RIPOR3: variants seen among roughly 807,000 people sequenced by gnomAD.
RIPOR3 encodes the protein RIPOR family member 3.
A neutral mutation model predicts 114.3 loss-of-function variants in RIPOR3; 95 were observed. That is an observed-to-expected ratio of 0.83 (90% CI 0.70 to 0.99). The LOEUF is 0.99. Among genes scored for constraint, RIPOR3 ranks in the 50% least tolerant of loss-of-function variants. The pLI is 0.00. For missense variants in RIPOR3, 1,252 were observed against 1,266.9 expected (o/e 0.99, Z 0.18); for synonymous variants, 575 against 543.8 (o/e 1.06, Z -0.80).
At position 50,680,861 on chromosome 20, in the gene RIPOR3, G is replaced by A. The variant is rs528556097; in HGVS notation, c.3+10265C>T. 2.0e-5 allele frequency among the ~76,000 whole-genome samples: 3 copies of A among 152,336 alleles called. No individual in the cohort carries two copies. In the South Asian group the frequency reaches 6.2e-4, roughly 32 times the overall value. On this transcript the variant is annotated intron_variant, in intron 1 of 21. Transcript: ENST00000327979. The stretch of plus-strand genomic sequence containing the variant: ...TGGCATTGATACCCCCTCAACTCCA[G>A]AGATGAGCTCTGACAGGCGTAAGCC...
At chr20:50,658,491 C>G (rs1210102242) in intron 1 of RIPOR3, among the ~76,000 whole-genome samples, 2 of 151,982 alleles carry the variant, frequency 1.3e-5, no homozygotes, top group African/African-American at 4.8e-5. Flanking sequence ...GAGGATCGCT[C>G]GAGCCCAGGA....
chr20:50,648,429 C>T (rs777762898), intron 1 of RIPOR3, among the ~76,000 whole-genome samples: 2 of 150,846 alleles, frequency 1.3e-5, no homozygotes, highest in Non-Finnish European at 2.9e-5. Context: ...AAGGTGTCGG[C>T]AGGGCCATGC....
intron 1 of RIPOR3, among the ~76,000 whole-genome samples, chr20:50,655,530 A>C (rs904082585): frequency 1.3e-5 from 2 of 152,208 alleles, no homozygotes; most frequent in Non-Finnish European, 2.9e-5. Context: ...TCGCCGACTT[A>C]AGCCTCTTCT....
intron 1 of RIPOR3, among the ~76,000 whole-genome samples, chr20:50,639,631 G>T (rs540663781): frequency 2.6e-5 from 4 of 152,360 alleles, no homozygotes; most frequent in South Asian, 4.1e-4. Flanking sequence ...TACCTGGGAG[G>T]CTGAGGCAGG....
At chr20:50,649,007 T>G (rs2085509967) in intron 1 of RIPOR3, among the ~76,000 whole-genome samples, 1 of 152,200 alleles carries the variant, frequency 6.6e-6, no homozygotes, top group Non-Finnish European at 1.5e-5. Flanking sequence ...TCCTTGCCTC[T>G]TCCTAGCTTC....
At chr20:50,651,787 G>A (rs1312736523) in intron 1 of RIPOR3, among the ~76,000 whole-genome samples, 1 of 152,222 alleles carries the variant, frequency 6.6e-6, no homozygotes, top group Non-Finnish European at 1.5e-5. Context: ...GAAACGAGCT[G>A]AGAACTAACA....
chr20:50,668,031 G>A (rs1385252105), intron 1 of RIPOR3, among the ~76,000 whole-genome samples: 1 of 152,166 alleles, frequency 6.6e-6, no homozygotes, highest in Non-Finnish European at 1.5e-5. Flanking sequence ...ACTGGGGCAG[G>A]GGGTGGGAAG....
At chr20:50,597,464 A>G (rs572195862) in intron 14 of RIPOR3, 116 bp downstream of exon 14, 2 of 1,413,546 alleles carry the variant, frequency 1.4e-6, no homozygotes, top group East Asian at 2.5e-5. Flanking sequence ...GAGTGACAAG[A>G]GCTGAGCCAA....
chr20:50,630,740 G>T lies in RIPOR3; in HGVS notation c.120C>A (p.Ile40=), dbSNP rs1344070760. 1 of 1,605,608 alleles carries T rather than the reference G, an allele frequency of 6.2e-7. No individual in the cohort carries two copies. The highest frequency in any genetic ancestry group is 8.5e-7 in the Non-Finnish European group (1 of 1,175,838). The stretch of plus-strand genomic sequence containing the variant: ...AACAGGACACGGGGGGAACTTACGC[G>T]ATCCTCCGGCTCTGTGCACTGCTGA... ...AGFSSAQSRR[I]AKSINRNSVR... Residue 40 remains isoleucine (I), a splice_region_variant and synonymous_variant, in exon 2 of 22, where the codon ATC becomes ATA. Coordinates refer to ENST00000327979, the MANE Select transcript of RIPOR3 (RefSeq NM_001290268.2).
intron 1 of RIPOR3, among the ~76,000 whole-genome samples, chr20:50,673,273 T>G (rs17726402): frequency 0.07 from 10,692 of 152,246 alleles, 533 homozygotes; most frequent in Non-Finnish European, 0.11. Context: ...CAGACCCCTC[T>G]GAGGTAGGCC....
In RIPOR3 at chr20:50,654,751, C is replaced by CT. The variant is rs2085747403; in HGVS notation, c.4-23896dup. ...TGGTGGGGTTTTTTTGTTTTTTTGTCTTTTTGTTTTTTGAGACAGCATCTC... is the reference window on the plus strand; with the variant it reads ...TGGTGGGGTTTTTTTGTTTTTTTGTCTTTTTTGTTTTTTGAGACAGCATCTC... On this transcript the variant is annotated intron_variant, in intron 1 of 21. Coordinates refer to ENST00000327979, the MANE Select transcript of RIPOR3 (RefSeq NM_001290268.2). Among the ~76,000 whole-genome samples, 4 of 151,644 alleles carry CT rather than the reference C, an allele frequency of 2.6e-5. No homozygotes were observed. The South Asian group carries it at 6.2e-4, about 24-fold the overall frequency.
intron 1 of RIPOR3, among the ~76,000 whole-genome samples, chr20:50,671,426 G>A (rs780060993): frequency 1.8e-5 from 2 of 112,616 alleles, no homozygotes; most frequent in East Asian, 2.3e-4. Context: ...GCACGCGCGC[G>A]CGCACACACA....
intron 21 of RIPOR3, 66 bp downstream of exon 21, chr20:50,587,736 G>T: frequency 6.7e-7 from 1 of 1,481,572 alleles, no homozygotes; most frequent in Non-Finnish European, 9.4e-7. Context: ...AGCTGGGTGT[G>T]GCCTCTCGCA....
chr20:50,684,712 C>T (rs781467603), intron 1 of RIPOR3, among the ~76,000 whole-genome samples: 5 of 152,156 alleles, frequency 3.3e-5, no homozygotes, highest in Non-Finnish European at 7.4e-5. Flanking sequence ...GTGGAGGGAG[C>T]GGAGGTGACA....
chr20:50,604,287 TAAG>T lies in RIPOR3; in HGVS notation c.1086+355_1086+357del, dbSNP rs571976908. ...AGAAACTGATGACAGGAGTTGGTAT[TAAG>T]GAGGGGACCCTGATCCATGGAGATC... On this transcript the variant is annotated intron_variant, in intron 12 of 21. Transcript: ENST00000327979. 3.9e-5 allele frequency among the ~76,000 whole-genome samples: 6 copies of T among 152,238 alleles called. No individual in the cohort carries two copies. In the South Asian group the frequency reaches 1.2e-3, roughly 32 times the overall value.
chr20:50,634,996 A>G (rs2084937827), intron 1 of RIPOR3, among the ~76,000 whole-genome samples: 1 of 152,186 alleles, frequency 6.6e-6, no homozygotes, highest in Non-Finnish European at 1.5e-5. Context: ...TCAAGCCACT[A>G]AACTCCAGCC....
intron 1 of RIPOR3, among the ~76,000 whole-genome samples, chr20:50,666,226 T>TCTCTTCTCTTCTC (rs1555873214): frequency 7.2e-6 from 1 of 139,738 alleles, no homozygotes; most frequent in Non-Finnish European, 1.5e-5. Context: ...TCTTTTCTTT[T>TCTCTTCTCTTCTC]TTGAGACGGA....
At chr20:50,592,604 C>T (rs1249117105) in intron 18 of RIPOR3, 58 bp from the exon 19 acceptor site, 19 of 1,380,158 alleles carry the variant, frequency 1.4e-5, no homozygotes, top group Non-Finnish European at 1.2e-5. Context: ...GGCAGGACAG[C>T]TGCAAGTTTG....
At chr20:50,634,074 T>G (rs2084907917) in intron 1 of RIPOR3, among the ~76,000 whole-genome samples, 1 of 150,546 alleles carries the variant, frequency 6.6e-6, no homozygotes, top group Non-Finnish European at 1.5e-5. Flanking sequence ...CTCCACCTGC[T>G]GGGCTCAAGC....
Sources: allele counts gnomAD v4.1 joint callset (sites outside exome capture counted in the v4.1 genomes callset), GRCh38; gene constraint gnomAD v4.1.1; transcripts MANE v1.5; gene names NCBI Gene and HGNC (gene_info 2026-07-23, HGNC 2026-07-21).